Variants in USP4 observed in about 807,000 individuals in gnomAD.
The protein encoded by USP4 is ubiquitin carboxyl-terminal hydrolase 4.
In USP4, 72 loss-of-function variants were observed where a neutral mutation model predicts 118.2. The observed-to-expected ratio is 0.61, with a 90% CI of 0.50 to 0.74. USP4 has a LOEUF of 0.74. Among genes scored for constraint, USP4 ranks in the 30% least tolerant of loss-of-function variants. The pLI is 0.00. For synonymous variants in USP4, 415 were observed against 440.4 expected (o/e 0.94, Z 0.72); for missense variants, 1,037 against 1,185.7 (o/e 0.87, Z 1.84).
intron 14 of USP4, among the ~76,000 whole-genome samples, chr3:49,294,011 T>C (rs1176210249): frequency 6.6e-6 from 1 of 150,524 alleles, no homozygotes; most frequent in African/African-American, 2.4e-5. Context: ...AGTCTCACTC[T>C]GTCACCCAGG....
At chr3:49,329,113 G>T (rs1328888762) in intron 2 of USP4, among the ~76,000 whole-genome samples, 1 of 151,762 alleles carries the variant, frequency 6.6e-6, no homozygotes, top group Non-Finnish European at 1.5e-5. Context: ...GGAGGCGGAG[G>T]TTGCAGTGAG....
intron 4 of USP4, among the ~76,000 whole-genome samples, chr3:49,325,287 G>A (rs554707881): frequency 2.0e-5 from 3 of 151,998 alleles, no homozygotes; most frequent in South Asian, 2.1e-4. Context: ...CATAGAAAGC[G>A]AGAAAGCTTA....
chr3:49,309,230 A>G (rs941277930), intron 8 of USP4, among the ~76,000 whole-genome samples: 2 of 151,972 alleles, frequency 1.3e-5, no homozygotes, highest in African/African-American at 2.4e-5. Context: ...GACTCCTTCT[A>G]AACAAATTAC....
chr3:49,286,054 T>G (rs1265232197), intron 16 of USP4, 44 bp downstream of exon 16: 1 of 1,586,156 alleles, frequency 6.3e-7, no homozygotes, highest in Non-Finnish European at 8.7e-7. Context: ...AAACAGATCC[T>G]AAGACCCTAA....
chr3:49,295,714 G>GCGCGCGCGCACACA (rs149459963), intron 13 of USP4, among the ~76,000 whole-genome samples: 2 of 148,320 alleles, frequency 1.3e-5, no homozygotes, highest in African/African-American at 5.2e-5. Flanking sequence ...GCGCGCGCGC[G>GCGCGCGCGCACACA]CACACACACA....
At chr3:49,329,134 G>A (rs568425904) in intron 2 of USP4, among the ~76,000 whole-genome samples, 123 of 148,200 alleles carry the variant, frequency 8.3e-4, no homozygotes, top group African/African-American at 2.9e-3. Flanking sequence ...CCAAGATTGC[G>A]CCACTGCACT....
intron 16 of USP4, 136 bp from the exon 17 acceptor site, chr3:49,285,055 G>T: frequency 1.5e-6 from 1 of 662,268 alleles, no homozygotes; most frequent in Non-Finnish European, 2.6e-6. Flanking sequence ...AGTGTCAAGA[G>T]CAATGCTCTG....
At chr3:49,326,936 G>A (rs553953929) in intron 3 of USP4, among the ~76,000 whole-genome samples, 23 of 151,868 alleles carry the variant, frequency 1.5e-4, no homozygotes, top group East Asian at 1.2e-3. Flanking sequence ...TCCTGACCTC[G>A]TGATCCACCC....
intron 15 of USP4, among the ~76,000 whole-genome samples, chr3:49,291,504 G>A (rs994271399): frequency 6.7e-6 from 1 of 149,938 alleles, no homozygotes; most frequent in Non-Finnish European, 1.5e-5. Context: ...AACCCAGGAG[G>A]CAAAGGTTGC....
chr3:49,281,925 T>C (rs1298536834), intron 19 of USP4, among the ~76,000 whole-genome samples: 1 of 150,052 alleles, frequency 6.7e-6, no homozygotes, highest in Non-Finnish European at 1.5e-5. Flanking sequence ...GCAGGAGAAT[T>C]GCTTGAACCC....
intron 7 of USP4, 42 bp downstream of exon 7, chr3:49,311,472 G>C: frequency 6.2e-7 from 1 of 1,604,176 alleles, no homozygotes; most frequent in Non-Finnish European, 8.5e-7. Context: ...GCCTGGGAAA[G>C]GACCACGGGA....
chr3:49,333,395 G>A (rs968360711), intron 2 of USP4, among the ~76,000 whole-genome samples: 2 of 152,072 alleles, frequency 1.3e-5, no homozygotes, highest in East Asian at 1.9e-4. Flanking sequence ...AGTCCAGGAG[G>A]TTTACATTTA....
At chr3:49,285,061 C>CCTG in intron 16 of USP4, 142 bp from the exon 17 acceptor site, 1 of 663,800 alleles carries the variant, frequency 1.5e-6, no homozygotes, top group East Asian at 2.7e-5. Flanking sequence ...AAGAGCAATG[C>CCTG]TCTGCAATGG....
chr3:49,339,541 C>T (rs1177744755), intron 1 of USP4, among the ~76,000 whole-genome samples: 3 of 152,204 alleles, frequency 2.0e-5, no homozygotes, highest in South Asian at 2.1e-4. Context: ...GGTCGGTGAG[C>T]CAAATATTGC....
chr3:49,289,918 GA>G (rs957252926), intron 15 of USP4, among the ~76,000 whole-genome samples: 4 of 151,886 alleles, frequency 2.6e-5, no homozygotes, highest in Admixed American at 6.6e-5. Flanking sequence ...CCAGCCTGGG[GA>G]ACATGGGAAA....
At chr3:49,283,261 A>T (rs192182499) in intron 19 of USP4, among the ~76,000 whole-genome samples, 1 of 151,574 alleles carries the variant, frequency 6.6e-6, no homozygotes, top group Non-Finnish European at 1.5e-5. Flanking sequence ...TGATCTGCCC[A>T]CCTTGGCCTC....
chr3:49,280,188 G>C (rs1461496185), intron 20 of USP4, among the ~76,000 whole-genome samples: 1 of 151,968 alleles, frequency 6.6e-6, no homozygotes, highest in Non-Finnish European at 1.5e-5. Context: ...GCTTGAACCC[G>C]GGAGGTGGAG....
chr3:49,300,623 A>C lies in USP4; in HGVS notation c.1356T>G (p.His452Gln), dbSNP rs2047253903. The C allele has an allele frequency of 1.2e-6, 2 of 1,614,120 alleles. No homozygotes were observed. The highest frequency in any genetic ancestry group is 2.7e-5 in the African/African-American group (2 of 74,942). Reference protein sequence around the residue: ...RNDSVIVDTFHGLFKSTLVCP... With the variant: ...RNDSVIVDTFQGLFKSTLVCP... ...AAACCAAAGTAGATTTGAAGAGGCC[A>C]TGGAAAGTATCCACAATCACAGAAT... The change falls in exon 11 of 22, where the codon CAT becomes CAG. Residue 452 changes from histidine to glutamine, a missense_variant. His to Gln is a conservative substitution (Grantham distance 24). This residue lies in a region of USP4 where 28 missense variants were observed against 59.0 expected (regional missense o/e 0.47). Coordinates refer to ENST00000265560, the MANE Select transcript of USP4 (RefSeq NM_003363.4).
chr3:49,289,790 C>T (rs2047132795), intron 15 of USP4, among the ~76,000 whole-genome samples: 1 of 151,318 alleles, frequency 6.6e-6, no homozygotes, highest in African/African-American at 2.4e-5. Context: ...CAGAGTGAGA[C>T]TCAGTCTCAA....
Sources: gnomAD v4.1 joint callset for allele counts (sites outside exome capture counted in the v4.1 genomes callset) on GRCh38, gnomAD v4.1.1 for gene constraint, gnomAD v4.1.1 regional missense constraint, MANE v1.5 for transcripts, NCBI Gene and HGNC (gene_info 2026-07-23, HGNC 2026-07-21) for gene names.